ST6GALNAC3: variants seen among roughly 807,000 people sequenced by gnomAD.
ST6GALNAC3 encodes ST6 N-acetylgalactosaminide alpha-2,6-sialyltransferase 3.
In ST6GALNAC3, 25 loss-of-function variants were observed where a neutral mutation model predicts 32.7. The ratio of observed to expected loss-of-function variants is 0.76; its 90% CI spans 0.56 to 1.07. The LOEUF is 1.07. Among genes scored for constraint, ST6GALNAC3 ranks in the 50% least tolerant of loss-of-function variants. The pLI is 0.00. For missense variants in ST6GALNAC3, 355 were observed against 382.4 expected (o/e 0.93, Z 0.60); for synonymous variants, 129 against 133.1 (o/e 0.97, Z 0.21).
At chr1:76,614,256 T>C (rs1648129709) in intron 3 of ST6GALNAC3, among the ~76,000 whole-genome samples, 1 of 152,144 alleles carries the variant, frequency 6.6e-6, no homozygotes, top group Non-Finnish European at 1.5e-5. Flanking sequence ...AAGAGACAAA[T>C]TTTGAAACAG....
At chr1:76,122,358 G>C (rs1648935208) in intron 1 of ST6GALNAC3, among the ~76,000 whole-genome samples, 1 of 152,182 alleles carries the variant, frequency 6.6e-6, no homozygotes. Flanking sequence ...CGAAGTGTTT[G>C]TTTTCCTAAC....
rs557307098 is a variant in ST6GALNAC3 at position 76,083,318 on chromosome 1, G to A, written c.18+8434G>A. Reference sequence around the variant, plus strand: ...GGGATATGCACTTGCGGTGAGCAGGGCTGTGATTCCTGGTGCTGTTTGCTG... The same window carrying A: ...GGGATATGCACTTGCGGTGAGCAGGACTGTGATTCCTGGTGCTGTTTGCTG... On this transcript the variant is annotated intron_variant, in intron 1 of 4. Coordinates refer to ENST00000328299, the MANE Select transcript of ST6GALNAC3 (RefSeq NM_152996.4). 1.9e-3 allele frequency among the ~76,000 whole-genome samples: 285 copies of A among 152,392 alleles called. 1 individual carries two copies. The highest frequency in any genetic ancestry group is 2.8e-3 in the Non-Finnish European group (191 of 68,034).
intron 3 of ST6GALNAC3, among the ~76,000 whole-genome samples, chr1:76,433,555 A>T (rs1655921207): frequency 6.6e-6 from 1 of 152,190 alleles, no homozygotes; most frequent in East Asian, 1.9e-4. Context: ...AATCTTAATG[A>T]GAGCCTGGCT....
intron 1 of ST6GALNAC3, among the ~76,000 whole-genome samples, chr1:76,100,259 C>G (rs60246438): frequency 6.6e-6 from 1 of 151,852 alleles, no homozygotes; most frequent in Admixed American, 6.6e-5. Flanking sequence ...TGTACTGACT[C>G]CAAAAATTAA....
rs1647686632 is a variant in ST6GALNAC3, at chr1:76,338,487, C to A, written c.213+24488C>A. Among the ~76,000 whole-genome samples the A allele has an allele frequency of 2.6e-5, 4 of 152,184 alleles. No individual in the cohort carries two copies. The South Asian group carries it at 8.3e-4, about 31-fold the overall frequency. On this transcript the variant is annotated intron_variant, in intron 2 of 4. Transcript: ENST00000328299. The stretch of plus-strand genomic sequence containing the variant: ...TCCTCCAGAAGCTTGACATCCCTGG[C>A]CCCCTGCACTGGGGCTGTAGCATGT...
chr1:76,221,965 G>A (rs1229536510), intron 1 of ST6GALNAC3, among the ~76,000 whole-genome samples: 2 of 152,172 alleles, frequency 1.3e-5, no homozygotes, highest in African/African-American at 4.8e-5. Flanking sequence ...TTTTGGCCCT[G>A]TAATGTGAAT....
At chr1:76,545,869 G>C (rs1430939314) in intron 3 of ST6GALNAC3, among the ~76,000 whole-genome samples, 1 of 152,126 alleles carries the variant, frequency 6.6e-6, no homozygotes, top group Non-Finnish European at 1.5e-5. Context: ...ATGTTGGTCA[G>C]GCTGGTCGCA....
intron 1 of ST6GALNAC3, among the ~76,000 whole-genome samples, chr1:76,274,060 C>A (rs1659003369): frequency 6.6e-6 from 1 of 152,140 alleles, no homozygotes; most frequent in African/African-American, 2.4e-5. Context: ...GTCAGCATAG[C>A]TAATATTTTC....
At chr1:76,434,643 GTTAAA>G (rs1251893732) in intron 3 of ST6GALNAC3, among the ~76,000 whole-genome samples, 6 of 151,964 alleles carry the variant, frequency 3.9e-5, no homozygotes, top group South Asian at 4.1e-4. Flanking sequence ...AAGTTAAAAA[GTTAAA>G]TTAAACTATT....
intron 3 of ST6GALNAC3, among the ~76,000 whole-genome samples, chr1:76,621,155 G>T (rs759832607): frequency 1.3e-5 from 2 of 150,906 alleles, no homozygotes; most frequent in Non-Finnish European, 3.0e-5. Flanking sequence ...TTCATAACCA[G>T]TCAAAGGGTC....
rs77564822 is a variant in ST6GALNAC3 at position 76,210,112 on chromosome 1, A to G, written c.19-103693A>G. ...AAGTTCCAGAATACACATGCAGGAC[A>G]TGCAGGTTTGCTACATAGGTATATG... On this transcript the variant is annotated intron_variant, in intron 1 of 4. Transcript: ENST00000328299. 3.3e-3 allele frequency among the ~76,000 whole-genome samples: 501 copies of G among 151,906 alleles called. 7 individuals are homozygous for G. The East Asian group carries it at 0.046, about 14-fold the overall frequency.
At chr1:76,572,837 A>T (rs1230094513) in intron 3 of ST6GALNAC3, among the ~76,000 whole-genome samples, 2 of 152,242 alleles carry the variant, frequency 1.3e-5, no homozygotes, top group African/African-American at 4.8e-5. Context: ...TGTCAAAGGT[A>T]TTGTTAGTCT....
intron 2 of ST6GALNAC3, among the ~76,000 whole-genome samples, chr1:76,329,219 A>G (rs1408436826): frequency 1.3e-5 from 2 of 152,224 alleles, no homozygotes; most frequent in Non-Finnish European, 2.9e-5. Flanking sequence ...CTCAGCTAGT[A>G]GGAAGCTTTC....
Position 76,629,942 on chromosome 1 carries a change from T to C in ST6GALNAC3, c.*1136T>C. The C allele has an allele frequency of 1.0e-6, 1 of 985,188 alleles. No homozygotes were observed. Among genetic ancestry groups the C allele is most frequent in the Non-Finnish European group, 1.2e-6 (1 of 829,790 alleles). 61.0% of individuals were successfully genotyped at this position (985,188 alleles called of 1,614,324 possible). The stretch of plus-strand genomic sequence containing the variant: ...CCAGAGCTTTTTGCCTTCTAGGGAT[T>C]TATTTTTCCCATAGTGTATCAGTTG... On this transcript the variant is annotated 3_prime_UTR_variant, in exon 5 of 5. Coordinates refer to ENST00000328299, the MANE Select transcript of ST6GALNAC3 (RefSeq NM_152996.4).
chr1:76,232,019 T>C (rs1052656623), intron 1 of ST6GALNAC3, among the ~76,000 whole-genome samples: 1 of 152,202 alleles, frequency 6.6e-6, no homozygotes, highest in African/African-American at 2.4e-5. Context: ...ATTCTCATTT[T>C]TCAAGGGAGA....
At chr1:76,111,192 A>G (rs185126244) in intron 1 of ST6GALNAC3, among the ~76,000 whole-genome samples, 120 of 152,054 alleles carry the variant, frequency 7.9e-4, no homozygotes, top group African/African-American at 2.9e-3. Flanking sequence ...TGAGTGAATT[A>G]TTTTGTGAAG....
At chr1:76,231,888 A>G (rs1656379497) in intron 1 of ST6GALNAC3, among the ~76,000 whole-genome samples, 1 of 152,184 alleles carries the variant, frequency 6.6e-6, no homozygotes, top group South Asian at 2.1e-4. Flanking sequence ...TGGTAATTCT[A>G]TTTTTTAACT....
chr1:76,604,115 GA>G (rs956874142), intron 3 of ST6GALNAC3, among the ~76,000 whole-genome samples: 5 of 151,724 alleles, frequency 3.3e-5, no homozygotes, highest in African/African-American at 4.8e-5. Flanking sequence ...TGAAAAATGG[GA>G]AAAAAAATAA....
At chr1:76,516,169 C>T (rs538591314) in intron 3 of ST6GALNAC3, among the ~76,000 whole-genome samples, 4 of 152,328 alleles carry the variant, frequency 2.6e-5, no homozygotes, top group Admixed American at 2.0e-4. Flanking sequence ...GGGCTGACTT[C>T]AAGCCAGCTG....
Sources: allele counts gnomAD v4.1 joint callset (sites outside exome capture counted in the v4.1 genomes callset), GRCh38; gene constraint gnomAD v4.1.1; transcripts MANE v1.5; gene names NCBI Gene and HGNC (gene_info 2026-07-23, HGNC 2026-07-21).